TUSC3: variants seen among roughly 807,000 people sequenced by gnomAD.
TUSC3 encodes the protein dolichyl-diphosphooligosaccharide--protein glycosyltransferase subunit TUSC3.
Under a neutral mutation model 44.8 loss-of-function variants are expected in TUSC3, and 45 were observed. The observed-to-expected ratio is 1.00, with a 90% CI of 0.79 to 1.29. The LOEUF is 1.29. Among genes scored for constraint, TUSC3 ranks in the 50% most tolerant of loss-of-function variants. TUSC3 has a pLI of 0.00. For missense variants in TUSC3, 519 were observed against 437.9 expected (o/e 1.19, Z -1.65); for synonymous variants, 212 against 152.9 (o/e 1.39, Z -2.85).
At chr8:15,505,201 G>A (rs981613529) in intron 2 of TUSC3, among the ~76,000 whole-genome samples, 3 of 152,084 alleles carry the variant, frequency 2.0e-5, no homozygotes, top group Non-Finnish European at 2.9e-5. Context: ...CAGGTTATTT[G>A]CCGCAGCAAC....
intron 5 of TUSC3, among the ~76,000 whole-genome samples, chr8:15,667,272 C>G (rs1004724476): frequency 6.6e-6 from 1 of 151,528 alleles, no homozygotes; most frequent in African/African-American, 2.4e-5. Flanking sequence ...ATACGTCTTA[C>G]CTTTCCTTTT....
chr8:15,481,792 C>T (rs73665415), intron 1 of TUSC3, among the ~76,000 whole-genome samples: 4,862 of 152,120 alleles, frequency 0.032, 156 homozygotes, highest in Middle Eastern at 0.082. Flanking sequence ...ATCTTTTTGC[C>T]GGCGGAGGGT....
chr8:15,496,744 G>A (rs574045027), intron 2 of TUSC3, among the ~76,000 whole-genome samples: 3 of 152,228 alleles, frequency 2.0e-5, no homozygotes, highest in Admixed American at 1.3e-4. Context: ...ATTTTAACAG[G>A]GAGAGCTGGG....
At chr8:15,569,763 A>G (rs1057468095) in intron 1 of TUSC3, among the ~76,000 whole-genome samples, 1 of 152,066 alleles carries the variant, frequency 6.6e-6, no homozygotes, top group Non-Finnish European at 1.5e-5. Flanking sequence ...ATTTTTAGGA[A>G]TCTCAGTTGA....
At chr8:15,720,998 C>T (rs929568096) in intron 6 of TUSC3, among the ~76,000 whole-genome samples, 11 of 151,934 alleles carry the variant, frequency 7.2e-5, no homozygotes, top group Admixed American at 1.3e-4. Flanking sequence ...TATGGACATT[C>T]GTATTCATAG....
chr8:15,565,640 C>T (rs1802638493), intron 1 of TUSC3, among the ~76,000 whole-genome samples: 1 of 152,162 alleles, frequency 6.6e-6, no homozygotes, highest in African/African-American at 2.4e-5. Flanking sequence ...TTTTGTCCTT[C>T]CCCAGTGGTG....
At chr8:15,581,731 C>T (rs1477281592) in intron 1 of TUSC3, among the ~76,000 whole-genome samples, 1 of 132,280 alleles carries the variant, frequency 7.6e-6, no homozygotes. Context: ...AGCTGTCAGA[C>T]AGGGACCCTT....
intron 6 of TUSC3, among the ~76,000 whole-genome samples, chr8:15,682,834 G>T (rs1214889364): frequency 9.0e-5 from 13 of 144,786 alleles, no homozygotes; most frequent in South Asian, 6.5e-4. Context: ...TGTAGCTGTT[G>T]TAAGGCCAGT....
chr8:15,592,870 A>G (rs1489405948), intron 1 of TUSC3, among the ~76,000 whole-genome samples: 2 of 152,086 alleles, frequency 1.3e-5, no homozygotes, highest in Non-Finnish European at 2.9e-5. Flanking sequence ...AGGATGAATT[A>G]TTTTACTTAA....
intron 2 of TUSC3, among the ~76,000 whole-genome samples, chr8:15,514,069 C>T (rs913777435): frequency 1.3e-5 from 2 of 152,136 alleles, no homozygotes; most frequent in Admixed American, 6.5e-5. Context: ...CCCTTCTATG[C>T]GCCACCACTT....
chr8:15,770,367 A>G (rs1303488707), downstream of TUSC3, among the ~76,000 whole-genome samples: 1 of 152,128 alleles, frequency 6.6e-6, no homozygotes, highest in Non-Finnish European at 1.5e-5. Flanking sequence ...GTGAGAACGC[A>G]TGGACACACG....
chr8:15,493,819 C>G (rs17116315), intron 2 of TUSC3, among the ~76,000 whole-genome samples: 6,397 of 152,224 alleles, frequency 0.042, 485 homozygotes, highest in African/African-American at 0.15. Flanking sequence ...CAATTATAAC[C>G]TTTCCGATTG....
intron 2 of TUSC3, among the ~76,000 whole-genome samples, chr8:15,506,316 A>G (rs576947961): frequency 2.0e-5 from 3 of 152,318 alleles, no homozygotes; most frequent in East Asian, 1.9e-4. Context: ...AAGGTGGATC[A>G]TAGAAACCAG....
intron 1 of TUSC3, among the ~76,000 whole-genome samples, chr8:15,422,857 G>T (rs192301662): frequency 6.6e-6 from 1 of 152,026 alleles, no homozygotes; most frequent in Non-Finnish European, 1.5e-5. Context: ...TGTACAGGCT[G>T]GTCACAAACT....
intron 2 of TUSC3, among the ~76,000 whole-genome samples, chr8:15,523,175 A>T (rs991162118): frequency 2.0e-5 from 3 of 152,172 alleles, no homozygotes; most frequent in Non-Finnish European, 4.4e-5. Flanking sequence ...CAATGGTTGC[A>T]TGATGGCATT....
rs149938702 is a variant in TUSC3 at position 15,473,608 on chromosome 8, G to A, written n.92-9778G>A. Among the ~76,000 whole-genome samples the A allele has an allele frequency of 6.6e-5, 10 of 152,226 alleles. No homozygotes were observed. The East Asian group carries it at 1.9e-3, about 30-fold the overall frequency. ...GTACAAAGAGAGGAATTTTACAGCTGGGACTCCGGGGGTGACATCATATAT... is the reference window on the plus strand; with the variant it reads ...GTACAAAGAGAGGAATTTTACAGCTAGGACTCCGGGGGTGACATCATATAT... On this transcript the variant is annotated intron_variant and non_coding_transcript_variant, in intron 1 of 5. Coordinates refer to the TUSC3 transcript ENST00000503191.
chr8:15,780,375 T>G, the TUSC3 span, among the ~76,000 whole-genome samples: 1 of 152,112 alleles, frequency 6.6e-6, no homozygotes, highest in Non-Finnish European at 1.5e-5. Flanking sequence ...AACTCAAAGG[T>G]TCCCCATGGT....
intron 2 of TUSC3, among the ~76,000 whole-genome samples, chr8:15,627,242 G>T (rs889235569): frequency 1.3e-5 from 2 of 152,206 alleles, no homozygotes; most frequent in South Asian, 2.1e-4. Flanking sequence ...TGCTCTTTCT[G>T]CTGAGAGCTG....
chr8:15,447,561 A>G (rs961076017), intron 1 of TUSC3, among the ~76,000 whole-genome samples: 1 of 152,212 alleles, frequency 6.6e-6, no homozygotes, highest in Non-Finnish European at 1.5e-5. Flanking sequence ...GAAAAAAGCA[A>G]TAAAAATGTA....
Sources: gnomAD v4.1 joint callset for allele counts (sites outside exome capture counted in the v4.1 genomes callset) on GRCh38, gnomAD v4.1.1 for gene constraint, MANE v1.5 for transcripts, NCBI Gene and HGNC (gene_info 2026-07-23, HGNC 2026-07-21) for gene names.